Variants in KLRG1 observed in about 807,000 individuals in gnomAD.
KLRG1 encodes killer cell lectin-like receptor subfamily G member 1.
KLRG1 carries 16 observed loss-of-function variants against 21.8 expected under a neutral mutation model. That is an observed-to-expected ratio of 0.73 (90% CI 0.50 to 1.11). KLRG1 has a LOEUF of 1.11. KLRG1 is among the 50% of genes most tolerant of loss of function. The probability of loss-of-function intolerance (pLI) is 0.00; values close to 1 mark genes in which losing one functional copy is unlikely to be tolerated. For missense variants in KLRG1, 173 were observed against 218.3 expected (o/e 0.79, Z 1.31); for synonymous variants, 69 against 75.9 (o/e 0.91, Z 0.47).
At chr12:9,092,233 G>A in the KLRG1 span, among the ~76,000 whole-genome samples, 1 of 152,030 alleles carries the variant, frequency 6.6e-6, no homozygotes, top group Non-Finnish European at 1.5e-5. Context: ...CATACCCCTG[G>A]GAATAATTTG....
the KLRG1 span, among the ~76,000 whole-genome samples, chr12:9,031,332 C>T: frequency 6.6e-6 from 1 of 152,184 alleles, no homozygotes; most frequent in Non-Finnish European, 1.5e-5. Context: ...GAATTAGGAT[C>T]CTTAAACAAC....
At chr12:9,172,981 T>C in the KLRG1 span, among the ~76,000 whole-genome samples, 6 of 152,266 alleles carry the variant, frequency 3.9e-5, no homozygotes, top group African/African-American at 7.2e-5. Flanking sequence ...GTGGACCTGA[T>C]TGATATCTAC....
chr12:9,204,664 A>G, the KLRG1 span, among the ~76,000 whole-genome samples: 1 of 152,180 alleles, frequency 6.6e-6, no homozygotes, highest in African/African-American at 2.4e-5. Flanking sequence ...CACACACTGT[A>G]TTTTATTATC....
At chr12:9,129,554 G>T in the KLRG1 span, among the ~76,000 whole-genome samples, 2 of 151,950 alleles carry the variant, frequency 1.3e-5, no homozygotes, top group African/African-American at 2.4e-5. Context: ...TGCAGGTATG[G>T]GTTTTCCTTT....
intron 1 of KLRG1, among the ~76,000 whole-genome samples, chr12:8,967,932 AAAG>A (rs1421432700): frequency 1.3e-5 from 2 of 151,930 alleles, no homozygotes; most frequent in Admixed American, 6.6e-5. Context: ...AACAGAAAGA[AAAG>A]AAGGAAGGAA....
At chr12:9,090,308 A>G in the KLRG1 span, 646 of 1,613,066 alleles carry the variant, frequency 4.0e-4, 2 homozygotes, top group African/African-American at 7.7e-3. Flanking sequence ...TCCCACTGCC[A>G]TATACAATCT....
At chr12:9,114,239 A>G in the KLRG1 span, among the ~76,000 whole-genome samples, 1 of 152,248 alleles carries the variant, frequency 6.6e-6, no homozygotes, top group African/African-American at 2.4e-5. Context: ...ACTCATGTGC[A>G]GTACAGAAAC....
At chr12:9,165,358 A>G in the KLRG1 span, 93 of 1,613,920 alleles carry the variant, frequency 5.8e-5, no homozygotes, top group Non-Finnish European at 7.6e-5. Flanking sequence ...CCTCAGCCAC[A>G]CCTGATGAGC....
the KLRG1 span, among the ~76,000 whole-genome samples, chr12:9,051,140 C>T: frequency 6.6e-6 from 1 of 152,214 alleles, no homozygotes; most frequent in South Asian, 2.1e-4. Context: ...CTCCGAGGTC[C>T]ATAAAAGCCC....
chr12:9,188,104 A>G, the KLRG1 span, among the ~76,000 whole-genome samples: 1 of 152,224 alleles, frequency 6.6e-6, no homozygotes, highest in Non-Finnish European at 1.5e-5. Flanking sequence ...TTCCTGATGA[A>G]CATTGATGCG....
Position 8,975,851 on chromosome 12 carries a change from T to C in KLRG1, c.-155-16355T>C, listed in dbSNP as rs560779214. ...TGCTGGGATTACACGTGTGAGCCAC[T>C]GGGCCCAGCTTTTTTTTTCTTAGAC... On this transcript the variant is annotated intron_variant, in intron 1 of 4. Coordinates refer to the KLRG1 transcript ENST00000539240. Among the ~76,000 whole-genome samples the C allele has an allele frequency of 2.6e-4, 39 of 152,276 alleles. No individual in the cohort carries two copies. In the South Asian group the frequency reaches 7.9e-3, roughly 31 times the overall value.
chr12:9,091,505 T>G, the KLRG1 span: 2 of 1,442,940 alleles, frequency 1.4e-6, no homozygotes, highest in Non-Finnish European at 1.9e-6. Context: ...TCCCTAGGAA[T>G]GATTCTACTG....
the KLRG1 span, among the ~76,000 whole-genome samples, chr12:9,055,147 T>C: frequency 6.6e-6 from 1 of 152,244 alleles, no homozygotes; most frequent in Non-Finnish European, 1.5e-5. Flanking sequence ...TAAGCATTTC[T>C]AATTCCATGA....
chr12:9,035,448 G>T, the KLRG1 span, among the ~76,000 whole-genome samples: 3 of 151,930 alleles, frequency 2.0e-5, no homozygotes, highest in Admixed American at 6.6e-5. Context: ...GGCCTGTCAG[G>T]GGGTAGGGAG....
At chr12:9,142,339 T>C in the KLRG1 span, among the ~76,000 whole-genome samples, 1 of 152,218 alleles carries the variant, frequency 6.6e-6, no homozygotes, top group East Asian at 1.9e-4. Context: ...CAAAGATTAT[T>C]CTGTTTGGGC....
chr12:8,981,576 G>A (rs977895949), intron 1 of KLRG1, among the ~76,000 whole-genome samples: 1 of 151,496 alleles, frequency 6.6e-6, no homozygotes. Context: ...ATTTTTTCTT[G>A]TTATTGATTT....
the KLRG1 span, chr12:9,036,750 C>A: frequency 2.7e-6 from 1 of 369,468 alleles, no homozygotes; most frequent in South Asian, 2.6e-5. Context: ...CTGCATAAAC[C>A]TTGCTTGTGA....
the KLRG1 span, among the ~76,000 whole-genome samples, chr12:9,053,737 A>T: frequency 6.6e-6 from 1 of 152,176 alleles, no homozygotes; most frequent in Non-Finnish European, 1.5e-5. Flanking sequence ...CACAGACCCT[A>T]GATCGTAGTT....
At chr12:9,096,436 A>G in the KLRG1 span, among the ~76,000 whole-genome samples, 368 of 152,336 alleles carry the variant, frequency 2.4e-3, 1 homozygote, top group African/African-American at 8.5e-3. Context: ...GTATATAGCA[A>G]AGTTAATGGG....
Sources: gnomAD v4.1 joint callset for allele counts (sites outside exome capture counted in the v4.1 genomes callset) on GRCh38, gnomAD v4.1.1 for gene constraint, MANE v1.5 for transcripts, NCBI Gene and HGNC (gene_info 2026-07-23, HGNC 2026-07-21) for gene names.